SRD5A2: variants seen among roughly 807,000 people sequenced by gnomAD.
SRD5A2 encodes steroid 5 alpha-reductase 2.
In SRD5A2, 30 loss-of-function variants were observed where a neutral mutation model predicts 27.4. The ratio of observed to expected loss-of-function variants is 1.10; its 90% CI spans 0.82 to 1.49. The LOEUF is 1.49. SRD5A2 is among the 40% of genes most tolerant of loss of function. The pLI, the probability that SRD5A2 is intolerant of heterozygous loss-of-function variation, is 0.00. For synonymous variants in SRD5A2, 141 were observed against 133.6 expected (o/e 1.06, Z -0.38); for missense variants, 348 against 323.4 (o/e 1.08, Z -0.58).
chr2:31,604,040 C>A, the SRD5A2 span, among the ~76,000 whole-genome samples: 1 of 151,704 alleles, frequency 6.6e-6, no homozygotes, highest in African/African-American at 2.4e-5. Flanking sequence ...TACATATATC[C>A]CTGAACTTAA....
chr2:31,525,990 G>T lies in SRD5A2; in HGVS notation c.*206C>A, dbSNP rs1189340692. On this transcript the variant is annotated 3_prime_UTR_variant, in exon 5 of 5. Transcript: ENST00000622030. ...GGAAAAGTGGCTTTTTGAAGCTTCA[G>T]TTGGGGATCAGGATAGGGGTCCCTG... 4 of 425,632 alleles carry T rather than the reference G, an allele frequency of 9.4e-6. No individual in the cohort carries two copies. The highest frequency in any genetic ancestry group is 3.7e-5 in the Admixed American group (1 of 26,700). 26.4% of individuals were successfully genotyped at this position (425,632 alleles called of 1,614,324 possible).
the SRD5A2 span, among the ~76,000 whole-genome samples, chr2:31,586,186 C>T: frequency 1.3e-5 from 2 of 152,156 alleles, no homozygotes; most frequent in African/African-American, 4.8e-5. Context: ...GTCTTTTATC[C>T]CCTACTCCCC....
chr2:31,655,504 ACCAG>A, the SRD5A2 span, among the ~76,000 whole-genome samples: 3 of 152,158 alleles, frequency 2.0e-5, no homozygotes, highest in Non-Finnish European at 4.4e-5. Flanking sequence ...CATGGTTTCC[ACCAG>A]TATTTTGCAT....
intron 2 of SRD5A2, among the ~76,000 whole-genome samples, chr2:31,532,879 T>C (rs1478888559): frequency 6.6e-6 from 1 of 151,600 alleles, no homozygotes; most frequent in Non-Finnish European, 1.5e-5. Context: ...GAAAGTCCCT[T>C]TGAGGAGGTG....
chr2:31,634,641 G>T, the SRD5A2 span, among the ~76,000 whole-genome samples: 1 of 151,978 alleles, frequency 6.6e-6, no homozygotes, highest in East Asian at 1.9e-4. Flanking sequence ...CAGTTTAGTG[G>T]TAATAAATAC....
At chr2:31,624,687 T>G in the SRD5A2 span, among the ~76,000 whole-genome samples, 1 of 152,170 alleles carries the variant, frequency 6.6e-6, no homozygotes. Flanking sequence ...GGACATGAGC[T>G]CATCCTTTTT....
intron 1 of SRD5A2, among the ~76,000 whole-genome samples, chr2:31,541,585 A>T (rs1423192460): frequency 6.6e-6 from 1 of 152,128 alleles, no homozygotes; most frequent in Admixed American, 6.6e-5. Context: ...CAAACTATCT[A>T]CACACACAAA....
chr2:31,590,467 G>A, the SRD5A2 span, among the ~76,000 whole-genome samples: 1,398 of 152,132 alleles, frequency 9.2e-3, 20 homozygotes, highest in African/African-American at 0.03. Flanking sequence ...CTCATGATGG[G>A]TAGGAAGAAT....
intron 1 of SRD5A2, among the ~76,000 whole-genome samples, chr2:31,560,066 C>T (rs531598076): frequency 1.5e-4 from 21 of 141,516 alleles, no homozygotes; most frequent in Middle Eastern, 3.4e-3. Context: ...CCCCCCCCCC[C>T]CCTTTTTTTA....
At chr2:31,656,214 G>T in the SRD5A2 span, among the ~76,000 whole-genome samples, 1 of 152,196 alleles carries the variant, frequency 6.6e-6, no homozygotes, top group East Asian at 1.9e-4. Context: ...TTCTAGCATA[G>T]TTTTGCATAC....
chr2:31,554,321 A>G (rs1462304159), intron 1 of SRD5A2, among the ~76,000 whole-genome samples: 1 of 152,236 alleles, frequency 6.6e-6, no homozygotes, highest in Non-Finnish European at 1.5e-5. Context: ...CTTAATATGA[A>G]TGCTTTAATC....
chr2:31,645,466 A>C, the SRD5A2 span, among the ~76,000 whole-genome samples: 18 of 152,358 alleles, frequency 1.2e-4, no homozygotes, highest in African/African-American at 4.1e-4. Flanking sequence ...AAAATTTTAA[A>C]AACGAAATGG....
the SRD5A2 span, among the ~76,000 whole-genome samples, chr2:31,628,137 T>A: frequency 6.6e-6 from 1 of 152,280 alleles, no homozygotes; most frequent in Non-Finnish European, 1.5e-5. Context: ...AAAATTCGCT[T>A]TATGAATCTG....
chr2:31,548,504 G>C (rs1306737785), intron 1 of SRD5A2, among the ~76,000 whole-genome samples: 6 of 152,078 alleles, frequency 3.9e-5, no homozygotes, highest in Non-Finnish European at 8.8e-5. Context: ...AATCTTTAGG[G>C]AAATTAAAAT....
the SRD5A2 span, among the ~76,000 whole-genome samples, chr2:31,631,647 A>AT: frequency 8.3e-4 from 126 of 152,292 alleles, 1 homozygote; most frequent in South Asian, 0.024. Flanking sequence ...AAGGGTTAAG[A>AT]CAGTCCTTTG....
At position 31,526,019 on chromosome 2, in the gene SRD5A2, G is replaced by C. The variant is rs531217500; in HGVS notation, c.*177C>G. 1 of 512,784 alleles carries C rather than the reference G, an allele frequency of 2.0e-6. No homozygotes were observed. The highest frequency in any genetic ancestry group is 2.9e-5 in the East Asian group (1 of 33,922). The allele number at this position is 512,784 out of a possible 1,614,324, so 31.8% of individuals were successfully genotyped here. On this transcript the variant is annotated 3_prime_UTR_variant, in exon 5 of 5. Transcript: ENST00000622030. The stretch of plus-strand genomic sequence containing the variant: ...GGGATCAGGATAGGGGTCCCTGGAA[G>C]GGTAGGAGTAAACTCTAAGCAGACA...
chr2:31,615,138 T>A, the SRD5A2 span, among the ~76,000 whole-genome samples: 1 of 152,362 alleles, frequency 6.6e-6, no homozygotes, highest in Non-Finnish European at 1.5e-5. Flanking sequence ...GTCTCAGGTA[T>A]GTCTTTATCA....
In SRD5A2 at chr2:31,570,840, A is replaced by G. The variant is rs115272830; in HGVS notation, c.281+9780T>C. Reference sequence around the variant, plus strand: ...ACCAGAGAGGTAAAAGATCTCTACAATGAGAATGACAAAACACTGCTGAAA... The same window carrying G: ...ACCAGAGAGGTAAAAGATCTCTACAGTGAGAATGACAAAACACTGCTGAAA... On this transcript the variant is annotated intron_variant, in intron 1 of 4. Transcript: ENST00000622030. Among the ~76,000 whole-genome samples, 1,002 of 152,322 alleles carry G rather than the reference A, an allele frequency of 6.6e-3. 14 individuals carry two copies. The highest frequency in any genetic ancestry group is 0.023 in the African/African-American group (943 of 41,566).
At chr2:31,619,903 G>C in the SRD5A2 span, among the ~76,000 whole-genome samples, 1 of 152,036 alleles carries the variant, frequency 6.6e-6, no homozygotes, top group Non-Finnish European at 1.5e-5. Context: ...TGTTTATTCT[G>C]TTGAGAGTTT....
Sources: allele counts gnomAD v4.1 joint callset (sites outside exome capture counted in the v4.1 genomes callset), GRCh38; gene constraint gnomAD v4.1.1; transcripts MANE v1.5; gene names NCBI Gene and HGNC (gene_info 2026-07-23, HGNC 2026-07-21).